Variants in PRKG1 observed in about 807,000 individuals in gnomAD.
The protein encoded by PRKG1 is cGMP-dependent protein kinase 1.
In PRKG1, 35 loss-of-function variants were observed where a neutral mutation model predicts 88.1. The observed-to-expected ratio is 0.40, with a 90% CI of 0.30 to 0.53. The LOEUF (loss-of-function observed/expected upper bound fraction) is 0.53. PRKG1 is among the 20% of genes least tolerant of loss of function. The probability of loss-of-function intolerance (pLI) is 0.59; values close to 1 mark genes in which losing one functional copy is unlikely to be tolerated. For missense variants in PRKG1, 540 were observed against 839.8 expected, an observed-to-expected ratio of 0.64 and a Z score of 4.41; for synonymous variants, 303 against 292.5, an observed-to-expected ratio of 1.04 and a Z score of -0.37.
At chr10:51,238,001 G>C (rs61849742) in intron 2 of PRKG1, among the ~76,000 whole-genome samples, 3,351 of 152,248 alleles carry the variant, frequency 0.022, 59 homozygotes, top group Non-Finnish European at 0.034. Flanking sequence ...GAAATGGTAA[G>C]ATTGTCATTG....
At chr10:51,442,322 A>C (rs1334812182) in intron 2 of PRKG1, among the ~76,000 whole-genome samples, 1 of 151,976 alleles carries the variant, frequency 6.6e-6, no homozygotes, top group African/African-American at 2.4e-5. Flanking sequence ...TTTAAAGCAA[A>C]TCAAATTCTA....
chr10:52,017,984 G>T (rs1404171509), intron 5 of PRKG1, among the ~76,000 whole-genome samples: 1 of 152,036 alleles, frequency 6.6e-6, no homozygotes, highest in African/African-American at 2.4e-5. Context: ...TATTTTCTGG[G>T]CTGGAGACAC....
chr10:51,115,386 A>ATATATATATATATATATATATATAT (rs1465710988), intron 1 of PRKG1, among the ~76,000 whole-genome samples: 960 of 70,172 alleles, frequency 0.014, 96 homozygotes, highest in East Asian at 0.023. Flanking sequence ...TATATATATA[A>ATATATATATATATATATATATATAT]AACAAATGTG....
intron 3 of PRKG1, among the ~76,000 whole-genome samples, chr10:51,638,416 C>G (rs1427689544): frequency 6.6e-6 from 1 of 152,138 alleles, no homozygotes; most frequent in Non-Finnish European, 1.5e-5. Flanking sequence ...CGTAACTTAG[C>G]TGCTCTAAGC....
chr10:51,830,548 GTTTTTTTTTTTGTTTTT>G (rs200816037), intron 4 of PRKG1, among the ~76,000 whole-genome samples: 5,972 of 116,242 alleles, frequency 0.051, 287 homozygotes, highest in East Asian at 0.14. Flanking sequence ...CTCTTAAAGT[GTTTTTTTTTTTGTTTTT>G]TTTTTTTTTT....
intron 7 of PRKG1, among the ~76,000 whole-genome samples, chr10:52,120,623 G>T (rs146197095): frequency 0.012 from 1,878 of 152,244 alleles, 17 homozygotes; most frequent in Non-Finnish European, 0.02. Flanking sequence ...AACCCAGTGG[G>T]GCAAACAACA....
At chr10:51,910,190 G>T (rs922820713) in intron 5 of PRKG1, 3 of 152,220 alleles carry the variant, frequency 2.0e-5, no homozygotes, top group South Asian at 2.1e-4. Flanking sequence ...TGGAACAAAA[G>T]GTAGGAGAGC....
intron 2 of PRKG1, among the ~76,000 whole-genome samples, chr10:51,311,643 A>C (rs977170763): frequency 2.6e-5 from 4 of 152,234 alleles, no homozygotes; most frequent in Non-Finnish European, 5.9e-5. Flanking sequence ...AAAAGTGTTC[A>C]TAAATCTGTA....
At chr10:51,402,371 A>T (rs912163977) in intron 2 of PRKG1, among the ~76,000 whole-genome samples, 1 of 152,218 alleles carries the variant, frequency 6.6e-6, no homozygotes, top group Non-Finnish European at 1.5e-5. Flanking sequence ...TAAAGGTCAC[A>T]CATTCAATTC....
At chr10:51,819,780 A>T (rs1280417454) in intron 4 of PRKG1, among the ~76,000 whole-genome samples, 3 of 152,184 alleles carry the variant, frequency 2.0e-5, no homozygotes, top group Non-Finnish European at 4.4e-5. Flanking sequence ...TGGAATTTTC[A>T]TGAAGCTGAG....
intron 3 of PRKG1, among the ~76,000 whole-genome samples, chr10:51,502,444 T>C (rs1841058509): frequency 6.6e-6 from 1 of 152,196 alleles, no homozygotes; most frequent in African/African-American, 2.4e-5. Flanking sequence ...ATTAGAGAGC[T>C]GTATCTTGAG....
At chr10:51,581,700 A>G (rs1838041125) in intron 3 of PRKG1, among the ~76,000 whole-genome samples, 1 of 151,880 alleles carries the variant, frequency 6.6e-6, no homozygotes, top group East Asian at 1.9e-4. Context: ...GCAATTTTAT[A>G]TTTACAATAA....
At chr10:51,394,861 C>T (rs939700179) in intron 2 of PRKG1, among the ~76,000 whole-genome samples, 1 of 152,200 alleles carries the variant, frequency 6.6e-6, no homozygotes, top group East Asian at 1.9e-4. Flanking sequence ...CTCTTAATCA[C>T]TATTCAAGCA....
At chr10:51,774,447 T>C (rs1838384590) in intron 3 of PRKG1, among the ~76,000 whole-genome samples, 1 of 152,132 alleles carries the variant, frequency 6.6e-6, no homozygotes, top group Non-Finnish European at 1.5e-5. Context: ...CTTACGGTTC[T>C]TTCCTTATTT....
chr10:52,120,097 G>A (rs1470724335), intron 7 of PRKG1, among the ~76,000 whole-genome samples: 1 of 152,028 alleles, frequency 6.6e-6, no homozygotes, highest in Admixed American at 6.6e-5. Context: ...CAGAGAGAGA[G>A]CACACTGAAC....
chr10:51,796,817 A>G (rs1839023308), intron 3 of PRKG1, among the ~76,000 whole-genome samples: 1 of 152,114 alleles, frequency 6.6e-6, no homozygotes, highest in Non-Finnish European at 1.5e-5. Context: ...AAAAAAGTAC[A>G]GGAAAGGCAA....
chr10:51,959,511 C>T (rs1027661042), intron 5 of PRKG1, among the ~76,000 whole-genome samples: 1 of 152,108 alleles, frequency 6.6e-6, no homozygotes, highest in Non-Finnish European at 1.5e-5. Context: ...AGTCTTGTAT[C>T]TCAGTTCCAG....
chr10:51,809,812 G>A (rs1452437160), intron 4 of PRKG1, among the ~76,000 whole-genome samples: 3 of 152,104 alleles, frequency 2.0e-5, no homozygotes, highest in Admixed American at 6.6e-5. Context: ...ATCACTCCTA[G>A]GAGAAAGCCT....
intron 10 of PRKG1, among the ~76,000 whole-genome samples, chr10:52,268,490 G>A (rs1262785033): frequency 6.6e-6 from 1 of 151,940 alleles, no homozygotes; most frequent in African/African-American, 2.4e-5. Flanking sequence ...ATGTCAGTGA[G>A]GCTTTGGCTG....
Sources: gnomAD v4.1 joint callset for allele counts (sites outside exome capture counted in the v4.1 genomes callset) on GRCh38, gnomAD v4.1.1 for gene constraint, MANE v1.5 for transcripts, NCBI Gene and HGNC (gene_info 2026-07-23, HGNC 2026-07-21) for gene names.